ARCN1: variants seen among roughly 807,000 people sequenced by gnomAD.
ARCN1 encodes coatomer subunit delta.
ARCN1 carries 5 observed loss-of-function variants against 60.4 expected under a neutral mutation model. That is an observed-to-expected ratio of 0.08 (90% CI 0.04 to 0.17). The LOEUF is 0.17. Among genes scored for constraint, ARCN1 ranks in the 10% least tolerant of loss-of-function variants. The probability of loss-of-function intolerance (pLI) is 1.00; values close to 1 mark genes in which losing one functional copy is unlikely to be tolerated. For synonymous variants in ARCN1, 224 were observed against 220.0 expected, an observed-to-expected ratio of 1.02 and a Z score of -0.16; for missense variants, 464 against 626.5, an observed-to-expected ratio of 0.74 and a Z score of 2.77.
chr11:118,572,621 G>A, intron 1 of ARCN1, 71 bp downstream of exon 1: 3 of 1,566,170 alleles, frequency 1.9e-6, no homozygotes, highest in South Asian at 1.2e-5. Context: ...GCGGGCCTGG[G>A]GCAGGGGCCG....
chr11:118,597,355 T>A (rs782754903), intron 8 of ARCN1, among the ~76,000 whole-genome samples: 1 of 152,216 alleles, frequency 6.6e-6, no homozygotes. Flanking sequence ...AATTCCTTAT[T>A]TATAGGGCAG....
rs535957600 is a variant in ARCN1, at chr11:118,590,669, A to C, written c.984+163A>C. ...AGTTAATATATTGCATACAGTAGCT[A>C]CCTGAGAGTGAGTAAAGCAGCTGTG... On this transcript the variant is annotated intron_variant, in intron 6 of 9. Transcript: ENST00000264028. Among the ~76,000 whole-genome samples the C allele has an allele frequency of 3.9e-5, 6 of 152,374 alleles. No homozygotes were observed. The South Asian group carries it at 6.2e-4, about 16-fold the overall frequency.
intron 8 of ARCN1, among the ~76,000 whole-genome samples, chr11:118,596,397 C>T (rs1939026524): frequency 6.6e-6 from 1 of 152,118 alleles, no homozygotes; most frequent in South Asian, 2.1e-4. Context: ...TGGTGGTTTC[C>T]TGTATTCTAG....
Position 118,572,435 on chromosome 11 carries a change from G to A in ARCN1, c.-113G>A, listed in dbSNP as rs1180012325. 9.7e-6 allele frequency: 11 copies of A among 1,133,134 alleles called. No homozygotes were observed. Among genetic ancestry groups the A allele is most frequent in the African/African-American group, 1.6e-5 (1 of 62,678 alleles). The allele number at this position is 1,133,134 out of a possible 1,614,324, so 70.2% of individuals were successfully genotyped here. On this transcript the variant is annotated 5_prime_UTR_variant, in exon 1 of 10. Coordinates refer to ENST00000264028, the MANE Select transcript of ARCN1 (RefSeq NM_001655.5). Reference sequence around the variant, plus strand: ...TCTTGGCAAGAGGCGAAGCGGCAGCGGTTCCTGTCAAGGGGGCAGCAGGTC... The same window carrying A: ...TCTTGGCAAGAGGCGAAGCGGCAGCAGTTCCTGTCAAGGGGGCAGCAGGTC...
chr11:118,594,006 C>T lies in ARCN1; in HGVS notation c.1241+308C>T, dbSNP rs563448088. 41 of 220,552 alleles carry T rather than the reference C, an allele frequency of 1.9e-4. 1 individual carries two copies. The East Asian group carries it at 2.4e-3, about 13-fold the overall frequency. 13.7% of individuals were successfully genotyped at this position (220,552 alleles called of 1,614,324 possible). On this transcript the variant is annotated intron_variant, in intron 8 of 9. Transcript: ENST00000264028. ...AGGACTTGTGTTTGCTTTGGCAGCACAGGTACTAAAATTGGAACCATACAG... is the reference window on the plus strand; with the variant it reads ...AGGACTTGTGTTTGCTTTGGCAGCATAGGTACTAAAATTGGAACCATACAG...
chr11:118,575,746 G>C (rs1235525644), intron 1 of ARCN1, among the ~76,000 whole-genome samples: 5 of 152,182 alleles, frequency 3.3e-5, no homozygotes, highest in Non-Finnish European at 5.9e-5. Context: ...GAAGCATTTA[G>C]AGATTCAAGA....
chr11:118,583,569 C>T (rs906657637), intron 3 of ARCN1, among the ~76,000 whole-genome samples: 6 of 151,902 alleles, frequency 3.9e-5, no homozygotes, highest in East Asian at 1.9e-4. Flanking sequence ...GACTGGACAG[C>T]GTAGTGAGAC....
Position 118,572,481 on chromosome 11 carries a change from T to G in ARCN1, c.-67T>G. ...AGGTCCAGAGCTGCTGGTGCTCCCG[T>G]TCCCCAGACCCTACCCCTATCCCCA... On this transcript the variant is annotated 5_prime_UTR_variant, in exon 1 of 10. Transcript: ENST00000264028. 1 of 1,573,902 alleles carries G rather than the reference T, an allele frequency of 6.4e-7. No individual in the cohort carries two copies. Among genetic ancestry groups the G allele is most frequent in the Middle Eastern group, 1.7e-4 (1 of 5,958 alleles).
intron 1 of ARCN1, among the ~76,000 whole-genome samples, chr11:118,576,432 A>C (rs1233255164): frequency 2.1e-5 from 3 of 141,502 alleles, no homozygotes; most frequent in East Asian, 2.6e-4. Flanking sequence ...ATGTTAAAAA[A>C]AAAAAAAAAA....
At chr11:118,584,930 A>C (rs1228376687) in intron 5 of ARCN1, among the ~76,000 whole-genome samples, 2 of 151,810 alleles carry the variant, frequency 1.3e-5, no homozygotes, top group Non-Finnish European at 1.5e-5. Context: ...GGTTCACGCC[A>C]TTCTCCTGCC....
In ARCN1 at chr11:118,572,455, C is replaced by A; in HGVS notation, c.-93C>A. On this transcript the variant is annotated 5_prime_UTR_variant, in exon 1 of 10. Transcript: ENST00000264028. ...GCAGCGGTTCCTGTCAAGGGGGCAG[C>A]AGGTCCAGAGCTGCTGGTGCTCCCG... The A allele has an allele frequency of 7.3e-7, 1 of 1,368,616 alleles. No homozygotes were observed. Among genetic ancestry groups the A allele is most frequent in the Non-Finnish European group, 1.0e-6 (1 of 994,918 alleles). The allele number at this position is 1,368,616 out of a possible 1,614,324, so 84.8% of individuals were successfully genotyped here.
chr11:118,590,592 A>C (rs1591388552), intron 6 of ARCN1, 86 bp downstream of exon 6: 2 of 1,388,500 alleles, frequency 1.4e-6, no homozygotes, highest in East Asian at 4.6e-5. Flanking sequence ...TATGAACCAC[A>C]GAAAATTACT....
chr11:118,574,267 C>T (rs2135527930), intron 1 of ARCN1, among the ~76,000 whole-genome samples: 1 of 152,232 alleles, frequency 6.6e-6, no homozygotes, highest in South Asian at 2.1e-4. Context: ...AGTGTTAAGA[C>T]ATTGGTATGA....
At chr11:118,577,268 G>T (rs1259257475) in intron 1 of ARCN1, among the ~76,000 whole-genome samples, 1 of 150,670 alleles carries the variant, frequency 6.6e-6, no homozygotes. Context: ...TTTTTTTGAG[G>T]CAGAGTCTCA....
rs1443049950 is a variant in ARCN1 at position 118,590,468 on chromosome 11, C to A, written c.946C>A (p.His316Asn). Residue 316 changes from histidine (H) to asparagine (N), a missense_variant, in exon 6 of 10, where the codon CAT becomes AAT. His to Asn is a moderately conservative substitution (Grantham distance 68, BLOSUM62 1). Around this residue, in one of 2 missense-constraint regions of ARCN1, gnomAD observed 359 missense variants for 440.2 expected, o/e 0.82. Coordinates refer to ENST00000264028, the MANE Select transcript of ARCN1 (RefSeq NM_001655.5). ...TGACAAGTATGGCCGAATTCGTCTT[C>A]ATGTGGAAAATGAAGATAAGAAAGG... ...SDDKYGRIRL[H>N]VENEDKKGVQ... 1 of 1,614,066 alleles carries A rather than the reference C, an allele frequency of 6.2e-7. No individual in the cohort carries two copies. The highest frequency in any genetic ancestry group is 2.2e-5 in the East Asian group (1 of 44,892).
At chr11:118,600,477 C>G (rs1591394113) in intron 9 of ARCN1, 148 bp from the exon 10 acceptor site, 2 of 559,016 alleles carry the variant, frequency 3.6e-6, no homozygotes, top group East Asian at 3.4e-5. Context: ...CTGTGACTTT[C>G]AGTTGTGAAT....
In ARCN1 at chr11:118,583,125, A is replaced by G. The variant is rs1938697489; in HGVS notation, c.268-54A>G. The G allele has an allele frequency of 7.6e-6, 12 of 1,572,094 alleles. No homozygotes were observed. The Admixed American group carries it at 2.1e-4, about 27-fold the overall frequency. ...GTACTCTAAAGGATAAGACTTGGAA[A>G]TATAGCTGCTGATAAATTCTAAATC... On this transcript the variant is annotated intron_variant, in intron 2 of 9. Coordinates refer to ENST00000264028, the MANE Select transcript of ARCN1 (RefSeq NM_001655.5).
intron 3 of ARCN1, 123 bp from the exon 4 acceptor site, chr11:118,583,686 A>C (rs1172538566): frequency 1.0e-6 from 1 of 989,024 alleles, no homozygotes; most frequent in Non-Finnish European, 1.5e-6. Flanking sequence ...TGAGCCCAGG[A>C]AGTTGAGGCT....
At chr11:118,591,744 T>G (rs1157810019) in intron 6 of ARCN1, among the ~76,000 whole-genome samples, 2 of 150,600 alleles carry the variant, frequency 1.3e-5, no homozygotes, top group Non-Finnish European at 3.0e-5. Flanking sequence ...TTTTGTTTTT[T>G]TTTTTGTTTT....
Sources: allele counts gnomAD v4.1 joint callset (sites outside exome capture counted in the v4.1 genomes callset), GRCh38; gene constraint gnomAD v4.1.1; regional missense constraint gnomAD v4.1.1; transcripts MANE v1.5; gene names NCBI Gene and HGNC (gene_info 2026-07-23, HGNC 2026-07-21).